SGCD: variants seen among roughly 807,000 people sequenced by gnomAD.
SGCD encodes delta-sarcoglycan.
A neutral mutation model predicts 36.6 loss-of-function variants in SGCD; 18 were observed. The ratio of observed to expected loss-of-function variants is 0.49; its 90% CI spans 0.34 to 0.73. The LOEUF is 0.73. Ranked by LOEUF, SGCD falls within the 30% of genes least tolerant of loss-of-function variation. SGCD has a pLI of 0.01. For synonymous variants in SGCD, 133 were observed against 130.6 expected (o/e 1.02, Z -0.12); for missense variants, 387 against 346.7 (o/e 1.12, Z -0.92).
chr5:156,715,634 A>G (rs568771930), intron 7 of SGCD, among the ~76,000 whole-genome samples: 1 of 152,340 alleles, frequency 6.6e-6, no homozygotes, highest in East Asian at 1.9e-4. Context: ...ACTGTAATTC[A>G]AGAGTGCCTG....
At chr5:156,557,431 A>G (rs746180960) in intron 4 of SGCD, among the ~76,000 whole-genome samples, 4 of 152,298 alleles carry the variant, frequency 2.6e-5, no homozygotes, top group Non-Finnish European at 5.9e-5. Flanking sequence ...TAACAGTACT[A>G]TTATGGAATA....
chr5:156,379,426 C>T (rs111898051), intron 3 of SGCD, among the ~76,000 whole-genome samples: 59 of 152,206 alleles, frequency 3.9e-4, no homozygotes, highest in African/African-American at 1.3e-3. Context: ...CTGAGGAACA[C>T]GCCATATGGA....
At position 156,061,011 on chromosome 5, in the gene SGCD, A is replaced by C. The variant is rs529155292; in HGVS notation, c.-281-56867A>C. 4.9e-4 allele frequency among the ~76,000 whole-genome samples: 71 copies of C among 145,414 alleles called. 8 individuals carry two copies. The highest frequency in any genetic ancestry group is 9.4e-4 in the Non-Finnish European group (61 of 64,572). On this transcript the variant is annotated intron_variant, in intron 1 of 9. Transcript: ENST00000517913. ...CTTTTCTCTGTGTCTGGACTCTCAC[A>C]AAAATTGATTTAAAAATCTATTCAT...
At chr5:156,148,267 T>A (rs1007964336) in intron 3 of SGCD, among the ~76,000 whole-genome samples, 1 of 152,162 alleles carries the variant, frequency 6.6e-6, no homozygotes, top group Non-Finnish European at 1.5e-5. Context: ...CCCAAATATA[T>A]CAGCAGACCA....
chr5:156,556,175 A>G (rs1419043014), intron 4 of SGCD, among the ~76,000 whole-genome samples: 1 of 151,720 alleles, frequency 6.6e-6, no homozygotes, highest in Non-Finnish European at 1.5e-5. Flanking sequence ...GTCTTTATGA[A>G]CTCATTTTCC....
At chr5:156,257,737 G>A (rs1765751543) in intron 3 of SGCD, among the ~76,000 whole-genome samples, 1 of 151,894 alleles carries the variant, frequency 6.6e-6, no homozygotes, top group Admixed American at 6.6e-5. Flanking sequence ...GATAGGGCAC[G>A]CCTGTAATCC....
intron 6 of SGCD, among the ~76,000 whole-genome samples, chr5:156,607,257 C>G (rs1247112906): frequency 1.3e-5 from 2 of 152,142 alleles, no homozygotes; most frequent in East Asian, 1.9e-4. Context: ...TAGCATGAAG[C>G]ATTGTTGAAT....
At position 156,317,373 on chromosome 5, in the gene SGCD, G is replaced by T. The variant is rs140917044; in HGVS notation, c.-43-12161G>T. The stretch of plus-strand genomic sequence containing the variant: ...CAGAGGAGAACTCAGGGATAAGACA[G>T]TTTAATAACAGGATCTTCTGATGAA... On this transcript the variant is annotated intron_variant, in intron 3 of 9. Transcript: ENST00000517913. Among the ~76,000 whole-genome samples the T allele has an allele frequency of 8.9e-3, 1,361 of 152,210 alleles. 18 individuals are homozygous for T. Among genetic ancestry groups the T allele is most frequent in the Middle Eastern group, 0.068 (20 of 294 alleles).
intron 1 of SGCD, among the ~76,000 whole-genome samples, chr5:156,045,219 C>T (rs1432876721): frequency 6.6e-6 from 1 of 152,150 alleles, no homozygotes; most frequent in Non-Finnish European, 1.5e-5. Context: ...CTTCTTAATA[C>T]CATCACAACA....
intron 3 of SGCD, among the ~76,000 whole-genome samples, chr5:156,174,121 T>C (rs1031060530): frequency 2.6e-5 from 4 of 152,188 alleles, no homozygotes; most frequent in African/African-American, 9.7e-5. Context: ...GCCGCATTCA[T>C]GGTATAGCAG....
chr5:156,199,324 C>T (rs184126824), intron 3 of SGCD, among the ~76,000 whole-genome samples: 1 of 152,220 alleles, frequency 6.6e-6, no homozygotes, highest in East Asian at 1.9e-4. Context: ...CTATTGGCCC[C>T]AAATCAGGCA....
chr5:156,589,267 A>G lies in SGCD; in HGVS notation c.331A>G (p.Thr111Ala). Residue 111 changes from threonine (T) to alanine (A), a missense_variant, in exon 5 of 9, where the codon ACA (threonine) becomes GCA (alanine). By Grantham distance (58) the Thr-to-Ala change is moderately conservative. Coordinates refer to ENST00000337851, the MANE Select transcript of SGCD (RefSeq NM_000337.6). ...GTACTTCAAGTCTGCCAGAAATGTT[A>G]CAGTGAACATTCTCAATGACCAGAC... ...ALYFKSARNV[T>A]VNILNDQTKV... 6.3e-7 allele frequency: 1 copy of G among 1,575,298 alleles called. No homozygotes were observed. Among genetic ancestry groups the G allele is most frequent in the Non-Finnish European group, 8.6e-7 (1 of 1,158,614 alleles).
At position 156,388,344 on chromosome 5, in the gene SGCD, T is replaced by A. The variant is rs563889914; in HGVS notation, c.192+43667T>A. 3.3e-5 allele frequency among the ~76,000 whole-genome samples: 5 copies of A among 152,258 alleles called. No homozygotes were observed. In the East Asian group the frequency reaches 7.7e-4, roughly 23 times the overall value. ...GGTTCATTAGCAGAAAGACAATAGA[T>A]GGATTAAACACAGAAGGCAGAGTCA... On this transcript the variant is annotated intron_variant, in intron 3 of 8. Coordinates refer to ENST00000337851, the MANE Select transcript of SGCD (RefSeq NM_000337.6).
At chr5:156,742,692 G>A (rs968455217) in intron 7 of SGCD, among the ~76,000 whole-genome samples, 3 of 152,170 alleles carry the variant, frequency 2.0e-5, no homozygotes, top group Non-Finnish European at 4.4e-5. Flanking sequence ...GGAGATCCGG[G>A]AGAGCTGATG....
intron 3 of SGCD, among the ~76,000 whole-genome samples, chr5:156,180,910 T>G (rs1020722800): frequency 3.3e-5 from 5 of 152,170 alleles, no homozygotes; most frequent in African/African-American, 1.2e-4. Context: ...AATTAAAAAT[T>G]TGTCTGGATG....
chr5:156,315,986 G>T (rs1767508122), intron 3 of SGCD, among the ~76,000 whole-genome samples: 1 of 151,752 alleles, frequency 6.6e-6, no homozygotes, highest in Non-Finnish European at 1.5e-5. Flanking sequence ...AATTAAGGAA[G>T]AAAAAACATA....
At chr5:155,995,466 A>G (rs551811801) in intron 1 of SGCD, among the ~76,000 whole-genome samples, 2 of 152,326 alleles carry the variant, frequency 1.3e-5, no homozygotes, top group East Asian at 3.9e-4. Flanking sequence ...GTAAGTTGTG[A>G]TATGTTAAAC....
intron 3 of SGCD, among the ~76,000 whole-genome samples, chr5:156,142,264 C>A (rs1404225799): frequency 6.6e-6 from 1 of 152,162 alleles, no homozygotes; most frequent in Non-Finnish European, 1.5e-5. Context: ...ACTTCCTGTA[C>A]GGTCTGCAGA....
intron 5 of SGCD, among the ~76,000 whole-genome samples, chr5:156,593,552 G>C (rs73299136): frequency 0.036 from 5,414 of 152,094 alleles, 323 homozygotes; most frequent in African/African-American, 0.12. Context: ...GTCTGTCTTT[G>C]TTCTAGATAA....
Sources: allele counts gnomAD v4.1 joint callset (sites outside exome capture counted in the v4.1 genomes callset), GRCh38; gene constraint gnomAD v4.1.1; transcripts MANE v1.5; gene names NCBI Gene and HGNC (gene_info 2026-07-23, HGNC 2026-07-21).